The following LMO1 variants were observed in gnomAD, a reference collection of about 807,000 sequenced individuals.
LMO1 encodes LIM domain only 1, also known as rhombotin-1.
LMO1 carries 10 observed loss-of-function variants against 18.0 expected under a neutral mutation model. That is an observed-to-expected ratio of 0.55 (90% CI 0.34 to 0.94). The LOEUF is 0.94. Among genes scored for constraint, LMO1 ranks in the 40% least tolerant of loss-of-function variants. LMO1 has a pLI of 0.02. For synonymous variants in LMO1, 77 were observed against 77.9 expected, an observed-to-expected ratio of 0.99 and a Z score of 0.06; for missense variants, 183 against 205.7, an observed-to-expected ratio of 0.89 and a Z score of 0.68.
chr11:8,244,984 C>T (rs1437702359), intron 1 of LMO1, among the ~76,000 whole-genome samples: 3 of 152,256 alleles, frequency 2.0e-5, no homozygotes, highest in Non-Finnish European at 2.9e-5. Context: ...CACCCCTCCT[C>T]GTGTGCCCTA....
At chr11:8,233,561 T>C (rs937872846) in intron 1 of LMO1, among the ~76,000 whole-genome samples, 7 of 152,118 alleles carry the variant, frequency 4.6e-5, no homozygotes, top group African/African-American at 1.7e-4. Context: ...ACCGGGCTGG[T>C]CCAGGAGACT....
At chr11:8,231,680 C>T (rs4611195) in intron 1 of LMO1, among the ~76,000 whole-genome samples, 52 of 152,230 alleles carry the variant, frequency 3.4e-4, no homozygotes, top group Non-Finnish European at 2.2e-4. Context: ...CCCACCTCCC[C>T]GGCTTTCCAA....
chr11:8,244,462 G>A (rs1478825193), intron 1 of LMO1, among the ~76,000 whole-genome samples: 5 of 152,248 alleles, frequency 3.3e-5, no homozygotes, highest in Non-Finnish European at 5.9e-5. Flanking sequence ...GCACAGCCGA[G>A]TGTGTCTTTT....
chr11:8,263,133 G>T (rs965042181), intron 1 of LMO1, among the ~76,000 whole-genome samples: 1 of 151,286 alleles, frequency 6.6e-6, no homozygotes, highest in African/African-American at 2.4e-5. Context: ...TGCAGCCCGG[G>T]GCTCGACCTC....
At chr11:8,260,979 C>T (rs1847177041) in intron 1 of LMO1, among the ~76,000 whole-genome samples, 1 of 152,156 alleles carries the variant, frequency 6.6e-6, no homozygotes, top group Admixed American at 6.5e-5. Context: ...TTTGGAGGAG[C>T]AGATGAGTGC....
intron 2 of LMO1, among the ~76,000 whole-genome samples, chr11:8,229,685 G>A (rs977157166): frequency 3.9e-5 from 6 of 152,216 alleles, no homozygotes; most frequent in Non-Finnish European, 8.8e-5. Flanking sequence ...CACCCTTCAC[G>A]GGGAAGTAAA....
At chr11:8,225,146 G>A (rs1429245609) in intron 3 of LMO1, among the ~76,000 whole-genome samples, 1 of 151,784 alleles carries the variant, frequency 6.6e-6, no homozygotes, top group African/African-American at 2.4e-5. Context: ...GGGTGTGGTG[G>A]CTCACACCTG....
rs149347533 is a variant in LMO1 at position 8,240,083 on chromosome 11, G to A, written c.26-9579C>T. ...GTCCCAGGGCCAGAGGCAGCATCAC[G>A]TCATCTTTTCTCCAAGCAATGGGGA... On this transcript the variant is annotated intron_variant, in intron 1 of 3. Transcript: ENST00000335790. Among the ~76,000 whole-genome samples the A allele has an allele frequency of 6.4e-3, 962 of 149,690 alleles. 25 individuals carry two copies. Among genetic ancestry groups the A allele is most frequent in the Admixed American group, 0.048 (714 of 14,828 alleles).
At chr11:8,246,797 G>A (rs574912764) in intron 1 of LMO1, among the ~76,000 whole-genome samples, 22 of 152,190 alleles carry the variant, frequency 1.4e-4, no homozygotes, top group African/African-American at 5.1e-4. Context: ...GGTCAGCATA[G>A]CGGGGGAAAT....
intron 1 of LMO1, among the ~76,000 whole-genome samples, chr11:8,255,818 C>CTTTTT (rs57425549): frequency 0.031 from 2,660 of 86,348 alleles, 189 homozygotes; most frequent in Middle Eastern, 0.044. Flanking sequence ...CAATGCCGCA[C>CTTTTT]TTTTTTTTTT....
chr11:8,267,915 G>T (rs905988988), upstream of LMO1, among the ~76,000 whole-genome samples: 1 of 152,246 alleles, frequency 6.6e-6, no homozygotes, highest in African/African-American at 2.4e-5. Context: ...GTGCCAGACC[G>T]CAGAGACAGT....
intron 1 of LMO1, among the ~76,000 whole-genome samples, chr11:8,240,569 C>T (rs1046888882): frequency 4.6e-5 from 7 of 152,120 alleles, no homozygotes; most frequent in African/African-American, 1.7e-4. Context: ...AAGGCACCAA[C>T]AGATTCTGTG....
chr11:8,249,492 C>T (rs182725168), intron 1 of LMO1, among the ~76,000 whole-genome samples: 9 of 152,314 alleles, frequency 5.9e-5, no homozygotes, highest in African/African-American at 1.9e-4. Flanking sequence ...AAAGGTGTCT[C>T]GTTGTACACA....
chr11:8,262,518 C>T (rs1255458011), intron 1 of LMO1, among the ~76,000 whole-genome samples: 5 of 152,218 alleles, frequency 3.3e-5, no homozygotes, highest in Admixed American at 3.3e-4. Flanking sequence ...ATGGGACCAC[C>T]TGCTAGTGGC....
intron 1 of LMO1, among the ~76,000 whole-genome samples, chr11:8,245,471 T>A (rs1846878750): frequency 6.6e-6 from 1 of 152,194 alleles, no homozygotes; most frequent in Non-Finnish European, 1.5e-5. Flanking sequence ...AGTCCTTTGC[T>A]ATCCTTGATA....
chr11:8,233,641 G>A (rs926334047), intron 1 of LMO1, among the ~76,000 whole-genome samples: 2 of 152,078 alleles, frequency 1.3e-5, no homozygotes. Flanking sequence ...CCCAGATGGA[G>A]GGATAAGCTC....
At chr11:8,256,309 G>A (rs535938792) in intron 1 of LMO1, among the ~76,000 whole-genome samples, 1 of 152,356 alleles carries the variant, frequency 6.6e-6, no homozygotes, top group South Asian at 2.1e-4. Context: ...CCAGTTAGGT[G>A]TTTCACCCTT....
chr11:8,267,568 G>A (rs1452856363), upstream of LMO1, among the ~76,000 whole-genome samples: 2 of 152,176 alleles, frequency 1.3e-5, no homozygotes, highest in Non-Finnish European at 2.9e-5. Flanking sequence ...CAGTGGAAAG[G>A]GTAGGAGTTG....
At chr11:8,233,733 C>T (rs1159528225) in intron 1 of LMO1, among the ~76,000 whole-genome samples, 1 of 151,486 alleles carries the variant, frequency 6.6e-6, no homozygotes, top group African/African-American at 2.4e-5. Flanking sequence ...GCCTGCCCCC[C>T]TGCAGACACC....
Sources: allele counts gnomAD v4.1 joint callset (sites outside exome capture counted in the v4.1 genomes callset), GRCh38; gene constraint gnomAD v4.1.1; transcripts MANE v1.5; gene names NCBI Gene and HGNC (gene_info 2026-07-23, HGNC 2026-07-21).